The following TMEM17 variants were observed in gnomAD, a reference collection of about 807,000 sequenced individuals.
The protein encoded by TMEM17 is transmembrane protein 17.
Under a neutral mutation model 19.1 loss-of-function variants are expected in TMEM17, and 15 were observed. That is an observed-to-expected ratio of 0.78 (90% CI 0.52 to 1.21). The LOEUF (loss-of-function observed/expected upper bound fraction) is 1.21, where lower values mean the gene tolerates loss of function less well. Among genes scored for constraint, TMEM17 ranks in the 50% most tolerant of loss-of-function variants. The pLI, the probability that TMEM17 is intolerant of heterozygous loss-of-function variation, is 0.00. For synonymous variants in TMEM17, 103 were observed against 86.9 expected (o/e 1.19, Z -1.03); for missense variants, 245 against 242.3 (o/e 1.01, Z -0.07).
At position 62,506,013 on chromosome 2, in the gene TMEM17, G is replaced by A. The variant is rs1680061626; in HGVS notation, c.100+17C>T. On this transcript the variant is annotated intron_variant, in intron 1 of 3. Coordinates refer to ENST00000335390, the MANE Select transcript of TMEM17 (RefSeq NM_198276.3). ...CTCGGCAGGCCACACCCCCTGCACC[G>A]GGCCTCGGTCACTCACCCGGACCCT... 1.9e-6 allele frequency: 3 copies of A among 1,599,950 alleles called. No homozygotes were observed. Among genetic ancestry groups the A allele is most frequent in the East Asian group, 2.3e-5 (1 of 43,986 alleles).
In TMEM17 at chr2:62,502,497, T is replaced by G. The variant is rs759403521; in HGVS notation, c.258A>C (p.Leu86=). ...ACCGGATGGCTTCAATTAAGGTTAT[T>G]AGGATGATAACAGTGATCACAATGA... The part of the protein sequence containing the change: ...YKFIVITVII[L]ITLIEAIRLY... The change falls in exon 3 of 4, where the codon CTA becomes CTC. Residue 86 remains leucine, a synonymous_variant. Coordinates refer to ENST00000335390, the MANE Select transcript of TMEM17 (RefSeq NM_198276.3). 6.2e-7 allele frequency: 1 copy of G among 1,613,226 alleles called. No homozygotes were observed. Among genetic ancestry groups the G allele is most frequent in the African/African-American group, 1.3e-5 (1 of 74,920 alleles).
chr2:62,466,009 C>T, the TMEM17 span, among the ~76,000 whole-genome samples: 3 of 152,254 alleles, frequency 2.0e-5, no homozygotes, highest in South Asian at 6.2e-4. Flanking sequence ...TAGGAAGTAC[C>T]TTTGTTCAAA....
Position 62,500,985 on chromosome 2 carries a change from A to G in TMEM17, c.*224T>C, listed in dbSNP as rs1355770563. 2 of 393,192 alleles carry G rather than the reference A, an allele frequency of 5.1e-6. No individual in the cohort carries two copies. The highest frequency in any genetic ancestry group is 8.9e-6 in the Non-Finnish European group (2 of 225,508). 24.4% of individuals were successfully genotyped at this position (393,192 alleles called of 1,614,324 possible). A position where few individuals can be genotyped will look rare whatever the true frequency, so the allele number is the denominator to read the frequency against. On this transcript the variant is annotated 3_prime_UTR_variant, in exon 4 of 4. Coordinates refer to ENST00000335390, the MANE Select transcript of TMEM17 (RefSeq NM_198276.3). The stretch of plus-strand genomic sequence containing the variant: ...GAAAAAGACAACAACATCAAAAAAA[A>G]TTAAGAAATTTGGCATCAGGTGGAC...
rs1398606393 is a variant in TMEM17 at position 62,506,100 on chromosome 2, C to T, written c.30G>A (p.Arg10=). 2 of 1,610,868 alleles carry T rather than the reference C, an allele frequency of 1.2e-6. No homozygotes were observed. Among genetic ancestry groups the T allele is most frequent in the Admixed American group, 3.3e-5 (2 of 59,792 alleles). The change falls in exon 1 of 4, where the codon CGG becomes CGA. Residue 10 remains arginine (R), a synonymous_variant. Transcript: ENST00000335390. ...ACACGGCCCGGCTGAAGTTTCCCAGCCGCTGGCGCACCGGATCCGGCAGCT... is the reference window on the plus strand; with the variant it reads ...ACACGGCCCGGCTGAAGTTTCCCAGTCGCTGGCGCACCGGATCCGGCAGCT... MELPDPVRQ[R]LGNFSRAVFS...
chr2:62,474,020 C>G, the TMEM17 span, among the ~76,000 whole-genome samples: 1 of 152,090 alleles, frequency 6.6e-6, no homozygotes, highest in Admixed American at 6.5e-5. Context: ...GGAGGCCACA[C>G]TGAGGATGGG....
chr2:62,464,911 G>A, the TMEM17 span, among the ~76,000 whole-genome samples: 2 of 152,176 alleles, frequency 1.3e-5, no homozygotes, highest in Non-Finnish European at 1.5e-5. Context: ...TCCATCAAGG[G>A]CAGGGTCTGC....
chr2:62,493,222 A>G, the TMEM17 span, among the ~76,000 whole-genome samples: 1 of 151,906 alleles, frequency 6.6e-6, no homozygotes, highest in Non-Finnish European at 1.5e-5. Context: ...GAGACAGGGC[A>G]TCACTATGTT....
At chr2:62,480,165 C>T in the TMEM17 span, among the ~76,000 whole-genome samples, 6 of 151,980 alleles carry the variant, frequency 3.9e-5, no homozygotes, top group Admixed American at 2.0e-4. Flanking sequence ...TGATTAGTGA[C>T]GTTGAACATT....
chr2:62,498,122 C>T (rs937173001), downstream of TMEM17, among the ~76,000 whole-genome samples: 4 of 152,184 alleles, frequency 2.6e-5, 1 homozygote, highest in African/African-American at 7.2e-5. Flanking sequence ...TGGTGGCTCA[C>T]GCCTGTAATC....
At chr2:62,490,103 G>C in the TMEM17 span, among the ~76,000 whole-genome samples, 1 of 152,274 alleles carries the variant, frequency 6.6e-6, no homozygotes, top group South Asian at 2.1e-4. Context: ...TTGAACCTGG[G>C]AGGCAGAGGT....
chr2:62,468,095 C>G, the TMEM17 span, among the ~76,000 whole-genome samples: 2 of 151,982 alleles, frequency 1.3e-5, no homozygotes, highest in African/African-American at 4.8e-5. Context: ...GGCAAATGTG[C>G]AGGGGGCTGG....
At chr2:62,491,878 G>C in the TMEM17 span, among the ~76,000 whole-genome samples, 1 of 148,908 alleles carries the variant, frequency 6.7e-6, no homozygotes, top group African/African-American at 2.5e-5. Flanking sequence ...TGAAATGACT[G>C]AGGATAATGC....
chr2:62,465,551 T>C, the TMEM17 span, among the ~76,000 whole-genome samples: 1 of 151,554 alleles, frequency 6.6e-6, no homozygotes, highest in Non-Finnish European at 1.5e-5. Context: ...GACAGGAGGA[T>C]CGCTTGAGCT....
chr2:62,487,600 A>G, the TMEM17 span, among the ~76,000 whole-genome samples: 11,386 of 152,302 alleles, frequency 0.075, 459 homozygotes, highest in East Asian at 0.16. Context: ...AAACAGGTGA[A>G]TGGGTGGGAT....
At chr2:62,498,731 T>C (rs866518795), downstream of TMEM17, among the ~76,000 whole-genome samples, 1 of 148,336 alleles carries the variant, frequency 6.7e-6, no homozygotes, top group Non-Finnish European at 1.5e-5. Flanking sequence ...TAAAATAAAA[T>C]AAAATAAAAT....
chr2:62,466,622 C>T, the TMEM17 span, among the ~76,000 whole-genome samples: 1 of 152,294 alleles, frequency 6.6e-6, no homozygotes, highest in South Asian at 2.1e-4. Flanking sequence ...TGAGCTGGCA[C>T]ACTTGGCCCT....
the TMEM17 span, among the ~76,000 whole-genome samples, chr2:62,464,430 G>A: frequency 4.6e-5 from 7 of 152,228 alleles, no homozygotes; most frequent in African/African-American, 1.7e-4. Flanking sequence ...AGCGCAGCGG[G>A]CTGAGTAAAC....
the TMEM17 span, among the ~76,000 whole-genome samples, chr2:62,490,929 A>G: frequency 6.6e-6 from 1 of 152,044 alleles, no homozygotes; most frequent in Admixed American, 6.6e-5. Context: ...ATGCAAAAAA[A>G]TTAGCTGGGC....
At chr2:62,488,945 A>ACAGG in the TMEM17 span, among the ~76,000 whole-genome samples, 1 of 152,270 alleles carries the variant, frequency 6.6e-6, no homozygotes, top group African/African-American at 2.4e-5. Context: ...AGTCAATAAT[A>ACAGG]CAGGGATGTA....
Sources: allele counts gnomAD v4.1 joint callset (sites outside exome capture counted in the v4.1 genomes callset), GRCh38; gene constraint gnomAD v4.1.1; transcripts MANE v1.5; gene names NCBI Gene and HGNC (gene_info 2026-07-23, HGNC 2026-07-21).